The following RBFOX1 variants were observed in gnomAD, a reference collection of about 807,000 sequenced individuals.
RBFOX1 encodes RNA binding fox-1 homolog 1, also known as RNA binding protein fox-1 homolog 1.
A neutral mutation model predicts 57.7 loss-of-function variants in RBFOX1; 8 were observed. The ratio of observed to expected loss-of-function variants is 0.14; its 90% confidence interval spans 0.08 to 0.25. The LOEUF is 0.25. RBFOX1 is among the 10% of genes least tolerant of loss of function. RBFOX1 has a pLI of 1.00. For synonymous variants in RBFOX1, 326 were observed against 222.4 expected (o/e 1.47, Z -4.15); for missense variants, 611 against 548.5 (o/e 1.11, Z -1.14).
chr16:5,814,128 C>T (rs2055534576), intron 3 of RBFOX1, among the ~76,000 whole-genome samples: 1 of 152,126 alleles, frequency 6.6e-6, no homozygotes, highest in African/African-American at 2.4e-5. Context: ...ATGGTACCTT[C>T]CCCTCTCCAA....
intron 1 of RBFOX1, among the ~76,000 whole-genome samples, chr16:5,344,699 A>G (rs1237154992): frequency 1.3e-5 from 2 of 152,200 alleles, no homozygotes; most frequent in Non-Finnish European, 2.9e-5. Flanking sequence ...TCTGCATTCC[A>G]AATTATATCC....
intron 4 of RBFOX1, among the ~76,000 whole-genome samples, chr16:7,222,742 C>A (rs1264195926): frequency 6.6e-6 from 1 of 152,200 alleles, no homozygotes; most frequent in East Asian, 1.9e-4. Flanking sequence ...CATATGTATT[C>A]TACAGTAATC....
At chr16:6,656,806 C>G (rs962116841) in intron 3 of RBFOX1, among the ~76,000 whole-genome samples, 1 of 151,930 alleles carries the variant, frequency 6.6e-6, no homozygotes, top group African/African-American at 2.4e-5. Context: ...AAAATAATGC[C>G]CAGTTAAAAT....
chr16:7,248,815 C>T (rs528540247), intron 4 of RBFOX1, among the ~76,000 whole-genome samples: 1 of 152,182 alleles, frequency 6.6e-6, no homozygotes, highest in African/African-American at 2.4e-5. Flanking sequence ...TAACAGTTGC[C>T]TTTTTGAGTA....
In RBFOX1 at chr16:5,751,314, A is replaced by C. The variant is rs2053191779; in HGVS notation, c.319-115989A>C. ...TATGCATTTCACTCATGAGTAATTAACATTTGTAGTGCCCTACATTTGTGC... is the reference window on the plus strand; with the variant it reads ...TATGCATTTCACTCATGAGTAATTACCATTTGTAGTGCCCTACATTTGTGC... On this transcript the variant is annotated intron_variant, in intron 3 of 19. Transcript: ENST00000641259. Among the ~76,000 whole-genome samples the C allele has an allele frequency of 2.0e-5, 3 of 151,910 alleles. No homozygotes were observed. The South Asian group carries it at 6.3e-4, about 32-fold the overall frequency.
At chr16:7,021,776 G>T (rs994394351) in intron 3 of RBFOX1, among the ~76,000 whole-genome samples, 4 of 150,782 alleles carry the variant, frequency 2.7e-5, no homozygotes, top group Admixed American at 2.6e-4. Context: ...TATTGAGCAT[G>T]TACTATATAC....
chr16:5,437,629 A>C (rs1310809931), intron 1 of RBFOX1, among the ~76,000 whole-genome samples: 1 of 152,240 alleles, frequency 6.6e-6, no homozygotes, highest in African/African-American at 2.4e-5. Context: ...TGGTATTAAG[A>C]TATTAACCAA....
chr16:6,723,393 C>A (rs1431187759), intron 3 of RBFOX1, among the ~76,000 whole-genome samples: 1 of 152,070 alleles, frequency 6.6e-6, no homozygotes, highest in African/African-American at 2.4e-5. Context: ...AAGATAAAGA[C>A]TTAAAGATAC....
chr16:7,288,996 A>G (rs184677925), intron 4 of RBFOX1, among the ~76,000 whole-genome samples: 175 of 152,298 alleles, frequency 1.1e-3, no homozygotes, highest in African/African-American at 3.9e-3. Context: ...AATCTGAGTG[A>G]TATTAGAGGA....
intron 4 of RBFOX1, among the ~76,000 whole-genome samples, chr16:5,935,435 G>C (rs1291233793): frequency 6.6e-6 from 1 of 152,182 alleles, no homozygotes; most frequent in Non-Finnish European, 1.5e-5. Flanking sequence ...AGGAGATTTA[G>C]GAATGGCTGG....
rs1159964233 is a variant in RBFOX1 at position 6,946,836 on chromosome 16, G to C, written c.-15-105221G>C. Among the ~76,000 whole-genome samples, 8 of 152,258 alleles carry C rather than the reference G, an allele frequency of 5.3e-5. No individual in the cohort carries two copies. In the East Asian group the frequency reaches 1.5e-3, roughly 29 times the overall value. On this transcript the variant is annotated intron_variant, in intron 3 of 15. Coordinates refer to ENST00000550418, the MANE Select transcript of RBFOX1 (RefSeq NM_018723.4). ...TGCCCAAGGCTGGTCTCCAGTTTCT[G>C]AATCTCAAGCAATCCTCCTGCCTTG... is the stretch of plus-strand genomic sequence containing the variant.
At chr16:6,113,785 A>T (rs2096470008) in intron 1 of RBFOX1, among the ~76,000 whole-genome samples, 1 of 152,158 alleles carries the variant, frequency 6.6e-6, no homozygotes, top group Admixed American at 6.5e-5. Flanking sequence ...TGTTGTCTTG[A>T]ATTGATTTGA....
chr16:5,636,842 C>A (rs990929997), intron 3 of RBFOX1, among the ~76,000 whole-genome samples: 1 of 152,170 alleles, frequency 6.6e-6, no homozygotes, highest in African/African-American at 2.4e-5. Context: ...GGGAAGTAAA[C>A]ATTTCTCATT....
intron 4 of RBFOX1, among the ~76,000 whole-genome samples, chr16:7,304,776 G>T (rs567716906): frequency 6.6e-6 from 1 of 152,188 alleles, no homozygotes; most frequent in African/African-American, 2.4e-5. Flanking sequence ...CCTTGTGTCA[G>T]TGCCTTTCGT....
intron 3 of RBFOX1, among the ~76,000 whole-genome samples, chr16:6,742,894 A>G (rs886172917): frequency 1.3e-5 from 2 of 152,188 alleles, no homozygotes; most frequent in Non-Finnish European, 2.9e-5. Context: ...TTAGTTCTGT[A>G]TTGTATTGTG....
At chr16:5,746,303 T>C (rs2052978413) in intron 3 of RBFOX1, among the ~76,000 whole-genome samples, 1 of 152,228 alleles carries the variant, frequency 6.6e-6, no homozygotes. Flanking sequence ...TCTATATCTC[T>C]GTTTTTGTAC....
chr16:6,986,685 C>G (rs574198785), intron 3 of RBFOX1, among the ~76,000 whole-genome samples: 11 of 152,302 alleles, frequency 7.2e-5, no homozygotes, highest in East Asian at 5.8e-4. Context: ...CTCCCCTTCT[C>G]TCTCTCCTTC....
At chr16:6,510,959 G>A (rs1240245966) in intron 2 of RBFOX1, among the ~76,000 whole-genome samples, 1 of 152,122 alleles carries the variant, frequency 6.6e-6, no homozygotes, top group African/African-American at 2.4e-5. Context: ...AATGTGGTGT[G>A]TGCTGCTTCT....
chr16:6,687,451 T>C (rs1469092118), intron 3 of RBFOX1, among the ~76,000 whole-genome samples: 1 of 152,198 alleles, frequency 6.6e-6, no homozygotes, highest in Admixed American at 6.5e-5. Flanking sequence ...ATTAAAAATA[T>C]GTAAAGTTAA....
Sources: allele counts gnomAD v4.1 joint callset (sites outside exome capture counted in the v4.1 genomes callset), GRCh38; gene constraint gnomAD v4.1.1; transcripts MANE v1.5; gene names NCBI Gene and HGNC (gene_info 2026-07-23, HGNC 2026-07-21).